NDUFAF2: variants seen among roughly 807,000 people sequenced by gnomAD.
NDUFAF2 encodes NADH:ubiquinone oxidoreductase complex assembly factor 2.
NDUFAF2 carries 13 observed loss-of-function variants against 22.8 expected under a neutral mutation model. The ratio of observed to expected loss-of-function variants is 0.57; its 90% CI spans 0.37 to 0.91. The LOEUF (loss-of-function observed/expected upper bound fraction) is 0.91, where lower values mean the gene tolerates loss of function less well. Ranked by LOEUF, NDUFAF2 falls within the 40% of genes least tolerant of loss-of-function variation. The pLI is 0.01. For missense variants in NDUFAF2, 162 were observed against 195.2 expected, an observed-to-expected ratio of 0.83 and a Z score of 1.01; for synonymous variants, 53 against 64.2, an observed-to-expected ratio of 0.83 and a Z score of 0.84.
intron 1 of NDUFAF2, among the ~76,000 whole-genome samples, chr5:61,025,587 A>C (rs1217200322): frequency 6.6e-6 from 1 of 151,968 alleles, no homozygotes; most frequent in East Asian, 1.9e-4. Flanking sequence ...TAACTCTGTA[A>C]ATATGTATTA....
chr5:61,019,480 A>G (rs766190679), intron 1 of NDUFAF2, among the ~76,000 whole-genome samples: 13 of 151,930 alleles, frequency 8.6e-5, no homozygotes, highest in Non-Finnish European at 1.6e-4. Flanking sequence ...TTTCTTTTGT[A>G]CAAGTAGAAT....
At chr5:61,084,790 A>G (rs1488412150) in intron 2 of NDUFAF2, among the ~76,000 whole-genome samples, 7 of 152,174 alleles carry the variant, frequency 4.6e-5, no homozygotes, top group Non-Finnish European at 2.9e-5. Flanking sequence ...GAATATAGGT[A>G]TACAAATATC....
chr5:61,119,180 A>G (rs1752948207), intron 3 of NDUFAF2, among the ~76,000 whole-genome samples: 2 of 152,314 alleles, frequency 1.3e-5, no homozygotes, highest in South Asian at 4.1e-4. Context: ...TACAGAACGA[A>G]TCAGTATAGT....
intron 1 of NDUFAF2, among the ~76,000 whole-genome samples, chr5:61,008,750 C>T (rs1375516159): frequency 6.6e-6 from 1 of 152,016 alleles, no homozygotes. Flanking sequence ...AAACATAGAT[C>T]CTTCTCATTC....
intron 3 of NDUFAF2, among the ~76,000 whole-genome samples, chr5:61,132,940 C>A (rs747987004): frequency 6.4e-4 from 97 of 152,012 alleles, no homozygotes; most frequent in Middle Eastern, 6.8e-3. Context: ...CTTCTCCAAT[C>A]CCATAATAAG....
At chr5:61,136,033 ATATATATATC>A (rs1256553482) in intron 3 of NDUFAF2, among the ~76,000 whole-genome samples, 5 of 82,054 alleles carry the variant, frequency 6.1e-5, no homozygotes, top group Non-Finnish European at 1.0e-4. Context: ...ATATATATAT[ATATATATATC>A]TAGGGTGGAT....
At chr5:61,144,719 T>C (rs1418849186) in intron 3 of NDUFAF2, among the ~76,000 whole-genome samples, 1 of 152,198 alleles carries the variant, frequency 6.6e-6, no homozygotes, top group Non-Finnish European at 1.5e-5. Flanking sequence ...CTTCCAGTCA[T>C]GATAACTTCA....
chr5:61,142,163 A>G (rs1441341475), intron 3 of NDUFAF2, among the ~76,000 whole-genome samples: 1 of 152,170 alleles, frequency 6.6e-6, no homozygotes, highest in African/African-American at 2.4e-5. Flanking sequence ...GACTCTAATT[A>G]TTTTTTATTA....
intron 1 of NDUFAF2, among the ~76,000 whole-genome samples, chr5:60,985,228 A>G (rs2112581626): frequency 6.6e-6 from 1 of 152,076 alleles, no homozygotes; most frequent in South Asian, 2.1e-4. Context: ...TTTCTGTGGG[A>G]TTGGTGGTGA....
At chr5:60,948,698 C>T (rs1336606507) in intron 1 of NDUFAF2, among the ~76,000 whole-genome samples, 2 of 151,902 alleles carry the variant, frequency 1.3e-5, no homozygotes, top group African/African-American at 4.8e-5. Context: ...TTTATCCATT[C>T]ACCTGTTCAT....
In NDUFAF2 at chr5:61,100,075, C is replaced by T. The variant is rs187379585; in HGVS notation, c.258+1043C>T. On this transcript the variant is annotated intron_variant, in intron 3 of 3. Coordinates refer to ENST00000296597, the MANE Select transcript of NDUFAF2 (RefSeq NM_174889.5). ...TGCTTCTGCCTTGGCCTACTTTTCGCAGACCCTTCTTTCCAACATTGATAA... is the reference window on the plus strand; with the variant it reads ...TGCTTCTGCCTTGGCCTACTTTTCGTAGACCCTTCTTTCCAACATTGATAA... 2.0e-3 allele frequency among the ~76,000 whole-genome samples: 311 copies of T among 152,120 alleles called. 2 individuals are homozygous for T. Among genetic ancestry groups the T allele is most frequent in the African/African-American group, 7.2e-3 (300 of 41,532 alleles).
At chr5:60,955,978 G>A (rs534716952) in intron 1 of NDUFAF2, among the ~76,000 whole-genome samples, 15 of 151,030 alleles carry the variant, frequency 9.9e-5, no homozygotes, top group African/African-American at 3.2e-4. Context: ...GCACTGGCGC[G>A]ATCTCAGCTC....
At chr5:61,120,596 A>G (rs1302111991) in intron 3 of NDUFAF2, among the ~76,000 whole-genome samples, 1 of 152,146 alleles carries the variant, frequency 6.6e-6, no homozygotes, top group African/African-American at 2.4e-5. Flanking sequence ...AAAGGTTTTT[A>G]AAATAAGTTG....
chr5:61,054,118 TAG>T (rs1299891275), intron 1 of NDUFAF2, among the ~76,000 whole-genome samples: 2 of 152,026 alleles, frequency 1.3e-5, no homozygotes, highest in African/African-American at 4.8e-5. Context: ...GGAGGATTTT[TAG>T]AGCCCAGGAG....
chr5:61,017,079 T>C (rs1751521350), intron 1 of NDUFAF2, among the ~76,000 whole-genome samples: 1 of 152,242 alleles, frequency 6.6e-6, no homozygotes, highest in Admixed American at 6.5e-5. Context: ...ATCAAAAGCA[T>C]ATTCCTTTCT....
At chr5:61,046,468 C>T (rs574423294) in intron 1 of NDUFAF2, among the ~76,000 whole-genome samples, 1 of 152,008 alleles carries the variant, frequency 6.6e-6, no homozygotes, top group Non-Finnish European at 1.5e-5. Context: ...GATTTACTCT[C>T]CTGACTCATT....
At chr5:61,116,025 A>G (rs553776392) in intron 3 of NDUFAF2, 1 of 152,330 alleles carries the variant, frequency 6.6e-6, no homozygotes, top group East Asian at 1.9e-4. Context: ...AATTAAATGA[A>G]CATGTACATA....
chr5:61,038,882 G>C (rs1325193147), intron 1 of NDUFAF2, among the ~76,000 whole-genome samples: 1 of 151,012 alleles, frequency 6.6e-6, no homozygotes, highest in Non-Finnish European at 1.5e-5. Flanking sequence ...TATGCTTGCT[G>C]TCATTTGCCC....
At chr5:61,071,713 A>G (rs917920287) in intron 1 of NDUFAF2, among the ~76,000 whole-genome samples, 1 of 152,214 alleles carries the variant, frequency 6.6e-6, no homozygotes, top group Non-Finnish European at 1.5e-5. Context: ...CTGTTAAGCC[A>G]TGCTGCTCCC....
Sources: gnomAD v4.1 joint callset for allele counts (sites outside exome capture counted in the v4.1 genomes callset) on GRCh38, gnomAD v4.1.1 for gene constraint, MANE v1.5 for transcripts, NCBI Gene and HGNC (gene_info 2026-07-23, HGNC 2026-07-21) for gene names.